RASL11A: variants seen among roughly 807,000 people sequenced by gnomAD.
The protein encoded by RASL11A is ras-like protein family member 11A.
Under a neutral mutation model 17.1 loss-of-function variants are expected in RASL11A, and 14 were observed. The ratio of observed to expected loss-of-function variants is 0.82; its 90% confidence interval spans 0.54 to 1.28. The LOEUF is 1.28. RASL11A is among the 50% of genes most tolerant of loss of function. The pLI is 0.00. For synonymous variants in RASL11A, 146 were observed against 132.5 expected (o/e 1.10, Z -0.70); for missense variants, 283 against 312.3 (o/e 0.91, Z 0.71).
At chr13:27,272,552 A>G (rs1882327991) in intron 3 of RASL11A, among the ~76,000 whole-genome samples, 1 of 152,140 alleles carries the variant, frequency 6.6e-6, no homozygotes, top group Non-Finnish European at 1.5e-5. Flanking sequence ...ACTAATTGCT[A>G]CTCCGTTCTC....
intron 3 of RASL11A, 74 bp from the exon 4 acceptor site, chr13:27,272,953 T>C (rs1882338830): frequency 1.7e-6 from 2 of 1,152,210 alleles, no homozygotes. Flanking sequence ...CTTCAAGGGT[T>C]GCCTTGATGT....
In RASL11A at chr13:27,273,191, C is replaced by A; in HGVS notation, c.426C>A (p.Val142=). The change falls in exon 4 of 4, where the codon GTC becomes GTA. Residue 142 remains valine, a synonymous_variant. Coordinates refer to ENST00000241463, the MANE Select transcript of RASL11A (RefSeq NM_206827.2). ...RKVHPDSKAP[V]IIVGNKGDLL... is the part of the protein sequence containing the mutation. ...TCCACCCTGACTCTAAAGCCCCTGT[C>A]ATCATCGTGGGCAACAAGGGGGACC... The A allele has an allele frequency of 1.2e-6, 2 of 1,614,218 alleles. No individual in the cohort carries two copies. The highest frequency in any genetic ancestry group is 1.7e-6 in the Non-Finnish European group (2 of 1,180,050).
At chr13:27,272,945 T>G in intron 3 of RASL11A, 82 bp from the exon 4 acceptor site, 1 of 1,111,034 alleles carries the variant, frequency 9.0e-7, no homozygotes, top group South Asian at 1.4e-5. Flanking sequence ...AAGTGTTTCT[T>G]CAAGGGTTGC....
rs1882295864 is a variant in RASL11A, at chr13:27,271,689, C to A, written c.232C>A (p.Gln78Lys). Reference protein sequence around the residue: ...VYVEGDQLSLQIQDTPGGVQI... With the variant: ...VYVEGDQLSLKIQDTPGGVQI... ...TGTCGAGGGGGACCAGCTCTCCCTG[C>A]AGATCCAGGATACTCCCGGGGGCGT... Residue 78 changes from glutamine (Q) to lysine (K), a missense_variant, in exon 3 of 4, where the codon CAG (glutamine) becomes AAG (lysine). Coordinates refer to ENST00000241463, the MANE Select transcript of RASL11A (RefSeq NM_206827.2). The A allele has an allele frequency of 1.2e-6, 2 of 1,612,790 alleles. No individual in the cohort carries two copies. The highest frequency in any genetic ancestry group is 3.3e-5 in the Admixed American group (2 of 59,884).
chr13:27,270,856 T>C lies in RASL11A; in HGVS notation c.-89T>C. The C allele has an allele frequency of 4.6e-6, 7 of 1,505,412 alleles. No homozygotes were observed. Among genetic ancestry groups the C allele is most frequent in the Non-Finnish European group, 6.3e-6 (7 of 1,119,684 alleles). The allele number at this position is 1,505,412 out of a possible 1,614,324, so 93.3% of individuals were successfully genotyped here. On this transcript the variant is annotated 5_prime_UTR_variant, in exon 1 of 4. Transcript: ENST00000241463. ...GGCAGCCGCCGCGGTCCCGGACCTCTAGTCCCGCACTCCCAGCTGGCGAGC... is the reference window on the plus strand; with the variant it reads ...GGCAGCCGCCGCGGTCCCGGACCTCCAGTCCCGCACTCCCAGCTGGCGAGC...
chr13:27,273,248 C>T lies in RASL11A; in HGVS notation c.483C>T (p.Asp161=), dbSNP rs758061495. Residue 161 remains aspartate (D), a synonymous_variant, in exon 4 of 4, where the codon GAC becomes GAT. Coordinates refer to ENST00000241463, the MANE Select transcript of RASL11A (RefSeq NM_206827.2). ...ATGCCCGGCAGGTGCAGACACAGGA[C>T]GGTATTCAGCTAGCCAATGAGCTGG... ...LLHARQVQTQ[D]GIQLANELGS... 7.4e-6 allele frequency: 12 copies of T among 1,614,060 alleles called. No homozygotes were observed. Among genetic ancestry groups the T allele is most frequent in the South Asian group, 2.2e-5 (2 of 91,090 alleles).
rs1437259846 is a variant in RASL11A at position 27,273,056 on chromosome 13, T to C, written c.291T>C (p.Asp97=). ...QIQDSLPQVV[D]SLSKCVQWAE... is the part of the protein sequence containing the mutation. ...AAGACAGCCTCCCCCAGGTCGTCGA[T>C]TCCCTGTCCAAATGCGTGCAGTGGG... Residue 97 remains aspartate (D), a synonymous_variant, in exon 4 of 4, where the codon GAT becomes GAC. Transcript: ENST00000241463. The C allele has an allele frequency of 6.2e-7, 1 of 1,614,180 alleles. No individual in the cohort carries two copies. Among genetic ancestry groups the C allele is most frequent in the Non-Finnish European group, 8.5e-7 (1 of 1,179,996 alleles).
At chr13:27,272,148 A>G (rs1882312184) in intron 3 of RASL11A, among the ~76,000 whole-genome samples, 1 of 151,910 alleles carries the variant, frequency 6.6e-6, no homozygotes, top group African/African-American at 2.4e-5. Flanking sequence ...ACGGAGTTTC[A>G]CTCTTGCCCA....
rs574260101 is a variant in RASL11A, at chr13:27,274,803, T to C, written c.*1309T>C. Among the ~76,000 whole-genome samples the C allele has an allele frequency of 1.3e-5, 2 of 152,204 alleles. No homozygotes were observed. Among genetic ancestry groups the C allele is most frequent in the Non-Finnish European group, 2.9e-5 (2 of 68,034 alleles). Reference sequence around the variant, plus strand: ...ATTTTATGATCCTGTCTTCCAATCTTCTAGTTCAGTGCTTCCCCATAGAGT... The same window carrying C: ...ATTTTATGATCCTGTCTTCCAATCTCCTAGTTCAGTGCTTCCCCATAGAGT... On this transcript the variant is annotated 3_prime_UTR_variant, in exon 4 of 4. Transcript: ENST00000241463.
Position 27,273,614 on chromosome 13 carries a change from A to G in RASL11A, c.*120A>G. 1 of 745,714 alleles carries G rather than the reference A, an allele frequency of 1.3e-6. No individual in the cohort carries two copies. 46.2% of individuals were successfully genotyped at this position (745,714 alleles called of 1,614,324 possible). Reference sequence around the variant, plus strand: ...TTTATAAAAAAATTGATTTTCAAGTACATGTGTATTTCTGAAAATTCAAAC... The same window carrying G: ...TTTATAAAAAAATTGATTTTCAAGTGCATGTGTATTTCTGAAAATTCAAAC... On this transcript the variant is annotated 3_prime_UTR_variant, in exon 4 of 4. Coordinates refer to ENST00000241463, the MANE Select transcript of RASL11A (RefSeq NM_206827.2).
Position 27,273,143 on chromosome 13 carries a change from C to T in RASL11A, c.378C>T (p.Pro126=). The part of the protein sequence containing the change: ...TDYDSYLSIR[P]LYQHIRKVHP... ...ATGACAGCTACTTGTCCATCCGACC[C>T]CTTTATCAGCACATCCGGAAGGTCC... The change falls in exon 4 of 4, where the codon CCC becomes CCT. Residue 126 remains proline (P), a synonymous_variant. Coordinates refer to ENST00000241463, the MANE Select transcript of RASL11A (RefSeq NM_206827.2). The T allele has an allele frequency of 6.2e-7, 1 of 1,614,218 alleles. No homozygotes were observed. Among genetic ancestry groups the T allele is most frequent in the Non-Finnish European group, 8.5e-7 (1 of 1,180,040 alleles).
At position 27,273,276 on chromosome 13, in the gene RASL11A, A is replaced by T; in HGVS notation, c.511A>T (p.Ser171Cys). 2 of 1,614,252 alleles carry T rather than the reference A, an allele frequency of 1.2e-6. No individual in the cohort carries two copies. Among genetic ancestry groups the T allele is most frequent in the Non-Finnish European group, 1.7e-6 (2 of 1,180,042 alleles). The change falls in exon 4 of 4, where the codon AGC becomes TGC. Residue 171 changes from serine (S) to cysteine (C), a missense_variant. By Grantham distance (112) the Ser-to-Cys change is moderately radical. Coordinates refer to ENST00000241463, the MANE Select transcript of RASL11A (RefSeq NM_206827.2). Reference sequence around the variant, plus strand: ...TATTCAGCTAGCCAATGAGCTGGGCAGCCTGTTCCTTGAAATTTCCACTAG... The same window carrying T: ...TATTCAGCTAGCCAATGAGCTGGGCTGCCTGTTCCTTGAAATTTCCACTAG... The part of the protein sequence containing the change: ...DGIQLANELG[S>C]LFLEISTSEN...
intron 3 of RASL11A, among the ~76,000 whole-genome samples, chr13:27,272,171 G>C (rs554065881): frequency 6.6e-6 from 1 of 152,328 alleles, no homozygotes; most frequent in South Asian, 2.1e-4. Flanking sequence ...CTGGAGTGCA[G>C]TGGCTGGATC....
Position 27,271,674 on chromosome 13 carries a change from G to A in RASL11A, c.217G>A (p.Asp73Asn). ...TTCACGGCTGGTCTATGTCGAGGGG[G>A]ACCAGCTCTCCCTGCAGATCCAGGA... Reference protein sequence around the residue: ...LYSRLVYVEGDQLSLQIQDTP... With the variant: ...LYSRLVYVEGNQLSLQIQDTP... The change falls in exon 3 of 4, where the codon GAC becomes AAC. Residue 73 changes from aspartate to asparagine, a missense_variant. By Grantham distance (23) the Asp-to-Asn change is conservative. Coordinates refer to ENST00000241463, the MANE Select transcript of RASL11A (RefSeq NM_206827.2). The A allele has an allele frequency of 6.2e-7, 1 of 1,613,372 alleles. No individual in the cohort carries two copies. The highest frequency in any genetic ancestry group is 8.5e-7 in the Non-Finnish European group (1 of 1,179,870).
chr13:27,272,593 G>A (rs1302568983), intron 3 of RASL11A, among the ~76,000 whole-genome samples: 1 of 152,226 alleles, frequency 6.6e-6, no homozygotes, highest in African/African-American at 2.4e-5. Flanking sequence ...AGAACCCTAA[G>A]AAAGGAATTT....
chr13:27,271,557 G>C lies in RASL11A; in HGVS notation c.181+17G>C. The C allele has an allele frequency of 1.2e-6, 2 of 1,613,830 alleles. No individual in the cohort carries two copies. Among genetic ancestry groups the C allele is most frequent in the South Asian group, 2.2e-5 (2 of 91,088 alleles). Reference sequence around the variant, plus strand: ...CGAATACAGGTGAGAATACTTTCACGCTCCCTGCTTTTATGCTTGCGTGTT... The same window carrying C: ...CGAATACAGGTGAGAATACTTTCACCCTCCCTGCTTTTATGCTTGCGTGTT... On this transcript the variant is annotated intron_variant, in intron 2 of 3. Coordinates refer to ENST00000241463, the MANE Select transcript of RASL11A (RefSeq NM_206827.2).
rs1415872571 is a variant in RASL11A at position 27,274,390 on chromosome 13, C to T, written c.*896C>T. ...CATTTTATTTCTATAAAAAACCCAGCTGGTTTCCCCTTAGCTACTGGTTAA... is the reference window on the plus strand; with the variant it reads ...CATTTTATTTCTATAAAAAACCCAGTTGGTTTCCCCTTAGCTACTGGTTAA... On this transcript the variant is annotated 3_prime_UTR_variant, in exon 4 of 4. Transcript: ENST00000241463. Among the ~76,000 whole-genome samples, 1 of 152,166 alleles carries T rather than the reference C, an allele frequency of 6.6e-6. No individual in the cohort carries two copies.
chr13:27,272,814 A>G (rs1436445479), intron 3 of RASL11A, among the ~76,000 whole-genome samples: 1 of 152,220 alleles, frequency 6.6e-6, no homozygotes, highest in East Asian at 1.9e-4. Context: ...ATGCAGGGAT[A>G]ACAGCTAATA....
At chr13:27,271,400 T>G in intron 1 of RASL11A, 84 bp from the exon 2 acceptor site, 4 of 1,579,768 alleles carry the variant, frequency 2.5e-6, no homozygotes, top group Non-Finnish European at 3.5e-6. Context: ...TTCTGCACCC[T>G]TCACTCCCCC....
Sources: allele counts gnomAD v4.1 joint callset (sites outside exome capture counted in the v4.1 genomes callset), GRCh38; gene constraint gnomAD v4.1.1; transcripts MANE v1.5; gene names NCBI Gene and HGNC (gene_info 2026-07-23, HGNC 2026-07-21).